Variants in CELF1 observed in about 807,000 individuals in gnomAD.
The protein encoded by CELF1 is 50 kDa nuclear polyadenylated RNA-binding protein.
In CELF1, 10 loss-of-function variants were observed where a neutral mutation model predicts 61.8. That is an observed-to-expected ratio of 0.16 (90% CI 0.10 to 0.27). The LOEUF is 0.27. Ranked by LOEUF, CELF1 falls within the 10% of genes least tolerant of loss-of-function variation. CELF1 has a pLI of 1.00. For missense variants in CELF1, 380 were observed against 639.1 expected (o/e 0.59, Z 4.37); for synonymous variants, 236 against 225.1 (o/e 1.05, Z -0.43).
intron 1 of CELF1, among the ~76,000 whole-genome samples, chr11:47,518,146 A>AT (rs771651516): frequency 1.3e-4 from 20 of 152,100 alleles, no homozygotes; most frequent in Non-Finnish European, 1.6e-4. Flanking sequence ...TTGGTTTTGT[A>AT]TTTTTTTCCT....
chr11:47,525,617 A>G (rs1203611277), intron 1 of CELF1, among the ~76,000 whole-genome samples: 1 of 152,160 alleles, frequency 6.6e-6, no homozygotes, highest in Non-Finnish European at 1.5e-5. Context: ...CAGCCTGGTT[A>G]TGTATTTATT....
At chr11:47,488,167 G>A (rs1565794313) in intron 4 of CELF1, among the ~76,000 whole-genome samples, 1 of 152,138 alleles carries the variant, frequency 6.6e-6, no homozygotes, top group Non-Finnish European at 1.5e-5. Context: ...AAAATTATTT[G>A]AAAACTGGTA....
At chr11:47,488,760 T>A in intron 4 of CELF1, 77 bp downstream of exon 4, 1 of 1,178,386 alleles carries the variant, frequency 8.5e-7, no homozygotes, top group African/African-American at 1.6e-5. Flanking sequence ...TTTTGTATCC[T>A]GTTAAAAACC....
intron 3 of CELF1, 40 bp downstream of exon 3, chr11:47,499,413 C>T: frequency 6.8e-6 from 10 of 1,468,488 alleles, no homozygotes; most frequent in Non-Finnish European, 9.2e-6. Flanking sequence ...CAGCCCAGTT[C>T]CTCTGCTTAT....
rs193159980 is a variant in CELF1, at chr11:47,486,352, G to A, written c.391+398C>T. On this transcript the variant is annotated intron_variant, in intron 6 of 14. Coordinates refer to ENST00000687097, the MANE Select transcript of CELF1 (RefSeq NM_001376376.1). ...AAAAAACTGAGACAACTTAGACAAC[G>A]GATTACTTAAAGCACAATTCAATTC... 9.9e-5 allele frequency among the ~76,000 whole-genome samples: 15 copies of A among 151,572 alleles called. No homozygotes were observed. In the East Asian group the frequency reaches 1.5e-3, roughly 16 times the overall value.
At chr11:47,511,178 C>A (rs2095126168) in intron 1 of CELF1, among the ~76,000 whole-genome samples, 1 of 152,052 alleles carries the variant, frequency 6.6e-6, no homozygotes, top group Admixed American at 6.6e-5. Context: ...AGAGCAAGAT[C>A]GTCTCAAAAA....
chr11:47,535,690 A>T (rs2096611094), intron 1 of CELF1, among the ~76,000 whole-genome samples: 1 of 151,322 alleles, frequency 6.6e-6, no homozygotes, highest in South Asian at 2.1e-4. Flanking sequence ...AAAAAAAAAA[A>T]AAAAATAAAT....
chr11:47,541,377 T>C lies in CELF1; in HGVS notation c.-154+11615A>G, dbSNP rs1015790800. ...ACTTAATGATTATTTTGCTAAAGAG[T>C]AGCAATGTTACTATGAAAATGGAAA... On this transcript the variant is annotated intron_variant, in intron 1 of 14. Transcript: ENST00000687097. Among the ~76,000 whole-genome samples the C allele has an allele frequency of 5.9e-5, 9 of 151,774 alleles. No homozygotes were observed. In the East Asian group the frequency reaches 9.7e-4, roughly 16 times the overall value.
In CELF1 at chr11:47,472,220, G is replaced by A; in HGVS notation, c.*10C>T. 6.2e-7 allele frequency: 1 copy of A among 1,613,452 alleles called. No individual in the cohort carries two copies. Among genetic ancestry groups the A allele is most frequent in the Non-Finnish European group, 8.5e-7 (1 of 1,179,828 alleles). ...AGACCCTCTCACTCCAGTCTCAGAG[G>A]GGAGCACGCTCAGTAGGGCTTGCTG... is the stretch of plus-strand genomic sequence containing the variant. On this transcript the variant is annotated 3_prime_UTR_variant, in exon 15 of 15. Transcript: ENST00000687097.
chr11:47,484,590 G>A (rs1348603782), intron 6 of CELF1, 67 bp from the exon 7 acceptor site: 1 of 1,415,532 alleles, frequency 7.1e-7, no homozygotes, highest in Non-Finnish European at 9.7e-7. Context: ...ACAGATTTGG[G>A]AGCCAGACCG....
intron 1 of CELF1, among the ~76,000 whole-genome samples, chr11:47,528,334 C>G (rs995950228): frequency 6.6e-6 from 1 of 152,114 alleles, no homozygotes; most frequent in Non-Finnish European, 1.5e-5. Flanking sequence ...CTTCCTTATA[C>G]TATGTGTAAA....
chr11:47,549,744 T>C (rs1469599956), intron 1 of CELF1, among the ~76,000 whole-genome samples: 2 of 152,082 alleles, frequency 1.3e-5, no homozygotes, highest in Non-Finnish European at 2.9e-5. Context: ...AGATCTGTTT[T>C]CCAACAGTGC....
rs1023693039 is a variant in CELF1 at position 47,470,475 on chromosome 11, A to C, written c.*1755T>G. ...GAAGTGTATGTTTCACGTTCCTTAG[A>C]GGACAACAGACCCAAGTTATCACTA... On this transcript the variant is annotated 3_prime_UTR_variant, in exon 15 of 15. Transcript: ENST00000687097. The C allele has an allele frequency of 2.6e-5, 4 of 152,104 alleles. No homozygotes were observed. 9.4% of individuals were successfully genotyped at this position (152,104 alleles called of 1,614,324 possible).
intron 1 of CELF1, among the ~76,000 whole-genome samples, chr11:47,522,248 G>T (rs558324818): frequency 6.6e-6 from 1 of 151,646 alleles, no homozygotes; most frequent in African/African-American, 2.4e-5. Flanking sequence ...GAAGTAGGCC[G>T]GGCATGGTGG....
chr11:47,508,019 C>G (rs1414006891), intron 1 of CELF1, among the ~76,000 whole-genome samples: 1 of 152,118 alleles, frequency 6.6e-6, no homozygotes, highest in Non-Finnish European at 1.5e-5. Flanking sequence ...TCATTCAATC[C>G]TTTATCATTA....
At chr11:47,558,623 A>C (rs1192952671) in intron 2 of CELF1, among the ~76,000 whole-genome samples, 1 of 112,132 alleles carries the variant, frequency 8.9e-6, no homozygotes, top group Non-Finnish European at 1.7e-5. Context: ...GTGCAATATA[A>C]TATATAATAT....
chr11:47,555,868 C>T (rs999033988), upstream of CELF1, among the ~76,000 whole-genome samples: 5 of 151,850 alleles, frequency 3.3e-5, no homozygotes, highest in Admixed American at 6.6e-5. Context: ...GGCATGATGG[C>T]GGGTGCCTGT....
intron 1 of CELF1, among the ~76,000 whole-genome samples, chr11:47,532,209 T>G (rs2096498990): frequency 1.3e-5 from 2 of 152,104 alleles, no homozygotes; most frequent in Admixed American, 6.5e-5. Flanking sequence ...TTTTGTATTG[T>G]TAGTAGAGAC....
chr11:47,495,017 C>T (rs1484807037), intron 3 of CELF1, among the ~76,000 whole-genome samples: 1 of 152,192 alleles, frequency 6.6e-6, no homozygotes, highest in African/African-American at 2.4e-5. Context: ...CTGCCAAATG[C>T]TGGGATTATA....
Sources: allele counts gnomAD v4.1 joint callset (sites outside exome capture counted in the v4.1 genomes callset), GRCh38; gene constraint gnomAD v4.1.1; transcripts MANE v1.5; gene names NCBI Gene and HGNC (gene_info 2026-07-23, HGNC 2026-07-21).